The following TBC1D1 variants were observed in gnomAD, a reference collection of about 807,000 sequenced individuals.
TBC1D1 encodes TBC1 (tre-2/USP6, BUB2, cdc16) domain family, member 1.
A neutral mutation model predicts 125.6 loss-of-function variants in TBC1D1; 89 were observed. The ratio of observed to expected loss-of-function variants is 0.71; its 90% CI spans 0.60 to 0.85. The LOEUF (loss-of-function observed/expected upper bound fraction) is 0.85, where lower values mean the gene tolerates loss of function less well. TBC1D1 is among the 40% of genes least tolerant of loss of function. TBC1D1 has a pLI of 0.00. For missense variants in TBC1D1, 1,377 were observed against 1,469.2 expected (o/e 0.94, Z 1.03); for synonymous variants, 565 against 564.1 (o/e 1.00, Z -0.02).
intron 2 of TBC1D1, among the ~76,000 whole-genome samples, chr4:37,985,564 A>G (rs1735279308): frequency 1.3e-5 from 2 of 152,232 alleles, no homozygotes; most frequent in African/African-American, 4.8e-5. Context: ...TGAACTTAAT[A>G]TATACTTGTT....
rs116773159 is a variant in TBC1D1, at chr4:38,124,099, C to T, written c.2963-863C>T. 7.2e-3 allele frequency among the ~76,000 whole-genome samples: 1,096 copies of T among 152,292 alleles called. 14 individuals are homozygous for T. The highest frequency in any genetic ancestry group is 0.025 in the African/African-American group (1,033 of 41,554). On this transcript the variant is annotated intron_variant, in intron 17 of 19. Coordinates refer to ENST00000261439, the MANE Select transcript of TBC1D1 (RefSeq NM_015173.4). ...ACACTTGCCTCCAATTATATTTCTA[C>T]TCTGATTTTTAAAATTGTTTTTTTC...
chr4:38,091,954 A>C (rs1758499592), intron 13 of TBC1D1, among the ~76,000 whole-genome samples: 1 of 152,210 alleles, frequency 6.6e-6, no homozygotes, highest in African/African-American at 2.4e-5. Flanking sequence ...TAGCTCTGTA[A>C]AGTTCCACAT....
chr4:38,070,429 T>C (rs1041045248), intron 12 of TBC1D1, among the ~76,000 whole-genome samples: 1 of 152,188 alleles, frequency 6.6e-6, no homozygotes, highest in African/African-American at 2.4e-5. Context: ...ACCTTCGGCA[T>C]GACCCGGCCA....
intron 13 of TBC1D1, among the ~76,000 whole-genome samples, chr4:38,095,545 A>G (rs1759182510): frequency 6.6e-6 from 1 of 152,208 alleles, no homozygotes; most frequent in Non-Finnish European, 1.5e-5. Context: ...CCTAGTTTAG[A>G]TGAAAAAAAT....
intron 13 of TBC1D1, among the ~76,000 whole-genome samples, chr4:38,094,093 C>T (rs1399867504): frequency 6.6e-6 from 1 of 152,130 alleles, no homozygotes; most frequent in Non-Finnish European, 1.5e-5. Flanking sequence ...CAGTGCAATT[C>T]TTCTAAAATC....
intron 2 of TBC1D1, among the ~76,000 whole-genome samples, chr4:37,966,569 A>G (rs1731110899): frequency 6.6e-6 from 1 of 152,342 alleles, no homozygotes; most frequent in African/African-American, 2.4e-5. Flanking sequence ...AGAGACTAAG[A>G]TGCAGATGGT....
intron 2 of TBC1D1, among the ~76,000 whole-genome samples, chr4:37,934,421 G>A (rs143270135): frequency 4.7e-4 from 72 of 152,264 alleles, no homozygotes; most frequent in Middle Eastern, 3.4e-3. Context: ...TCCACGATAT[G>A]GCTTGAAAAC....
intron 7 of TBC1D1, among the ~76,000 whole-genome samples, chr4:38,033,947 C>T (rs926868737): frequency 4.6e-5 from 7 of 152,246 alleles, no homozygotes; most frequent in Non-Finnish European, 2.9e-5. Flanking sequence ...GATCGATGCA[C>T]ATCTTAGTTG....
In TBC1D1 at chr4:37,908,603, T is replaced by G. The variant is rs1281225828; in HGVS notation, c.417+6091T>G. On this transcript the variant is annotated intron_variant, in intron 2 of 19. Transcript: ENST00000261439. ...CGACTCTAATAAGATTGTGATCCTC[T>G]GGATTTGGTGTCCACTCTGAACGCG... 3.9e-5 allele frequency among the ~76,000 whole-genome samples: 6 copies of G among 152,340 alleles called. No individual in the cohort carries two copies. In the East Asian group the frequency reaches 1.2e-3, roughly 29 times the overall value.
intron 1 of TBC1D1, among the ~76,000 whole-genome samples, chr4:37,894,275 C>T (rs568719891): frequency 1.5e-4 from 23 of 152,280 alleles, no homozygotes; most frequent in African/African-American, 4.6e-4. Flanking sequence ...GTGTGAGCCA[C>T]GGCGCCCGAC....
intron 3 of TBC1D1, among the ~76,000 whole-genome samples, chr4:38,016,413 G>A (rs146037135): frequency 1.8e-4 from 28 of 152,264 alleles, no homozygotes; most frequent in African/African-American, 3.1e-4. Flanking sequence ...TTCTTCCCTC[G>A]AGTTGTCACG....
At chr4:37,972,481 CAAAA>C (rs74577993) in intron 2 of TBC1D1, among the ~76,000 whole-genome samples, 1 of 98,060 alleles carries the variant, frequency 1.0e-5, no homozygotes, top group Non-Finnish European at 2.1e-5. Flanking sequence ...AACGCCGTTT[CAAAA>C]AAAAAAAAAA....
chr4:37,895,348 T>C (rs1714330991), intron 1 of TBC1D1, among the ~76,000 whole-genome samples: 1 of 152,168 alleles, frequency 6.6e-6, no homozygotes, highest in African/African-American at 2.4e-5. Flanking sequence ...CTCGCCCATT[T>C]CCCACCCTTT....
chr4:38,089,614 A>G (rs1487112055), intron 12 of TBC1D1, among the ~76,000 whole-genome samples: 1 of 152,240 alleles, frequency 6.6e-6, no homozygotes, highest in Admixed American at 6.5e-5. Context: ...GCACTGTATG[A>G]ACATTTTCTG....
rs1438377737 is a variant in TBC1D1 at position 38,056,105 on chromosome 4, A to C, written c.2050+1767A>C. Among the ~76,000 whole-genome samples, 7 of 152,192 alleles carry C rather than the reference A, an allele frequency of 4.6e-5. No homozygotes were observed. In the East Asian group the frequency reaches 1.3e-3, roughly 29 times the overall value. On this transcript the variant is annotated intron_variant, in intron 12 of 19. Transcript: ENST00000261439. ...TTTTCAAACGAGCATTCACAGACTG[A>C]GCCGCATCCTGCCTCCCTGTCCTCT...
chr4:37,926,887 C>G (rs969403299), intron 2 of TBC1D1, among the ~76,000 whole-genome samples: 4 of 152,246 alleles, frequency 2.6e-5, no homozygotes, highest in African/African-American at 7.2e-5. Context: ...GAGGCCAAGG[C>G]GGGTGGATTG....
At chr4:37,937,768 G>C (rs1490947495) in intron 2 of TBC1D1, among the ~76,000 whole-genome samples, 5 of 152,198 alleles carry the variant, frequency 3.3e-5, no homozygotes, top group Non-Finnish European at 7.3e-5. Context: ...TAAAGTGGCT[G>C]CTTGGAGTCT....
intron 17 of TBC1D1, among the ~76,000 whole-genome samples, chr4:38,120,955 A>G (rs1166756108): frequency 6.6e-6 from 1 of 152,224 alleles, no homozygotes; most frequent in African/African-American, 2.4e-5. Flanking sequence ...GAGGAGGAGT[A>G]TAAAAACTAA....
intron 14 of TBC1D1, among the ~76,000 whole-genome samples, chr4:38,097,835 A>T (rs1307879976): frequency 2.0e-5 from 3 of 152,180 alleles, no homozygotes; most frequent in Admixed American, 1.3e-4. Context: ...GTTTTTTACT[A>T]TAGTTTTTTA....
Sources: gnomAD v4.1 joint callset for allele counts (sites outside exome capture counted in the v4.1 genomes callset) on GRCh38, gnomAD v4.1.1 for gene constraint, MANE v1.5 for transcripts, NCBI Gene and HGNC (gene_info 2026-07-23, HGNC 2026-07-21) for gene names.